Variants in NOX4 observed in about 807,000 individuals in gnomAD.
The protein encoded by NOX4 is NADPH oxidase 4, also known as kidney oxidase-1.
In NOX4, 69 loss-of-function variants were observed where a neutral mutation model predicts 87.6. The observed-to-expected ratio is 0.79, with a 90% CI of 0.65 to 0.96. The LOEUF (loss-of-function observed/expected upper bound fraction) is 0.96. Ranked by LOEUF, NOX4 falls within the 40% of genes least tolerant of loss-of-function variation. The pLI is 0.00. For missense variants in NOX4, 680 were observed against 681.5 expected (o/e 1.00, Z 0.02); for synonymous variants, 275 against 238.2 (o/e 1.15, Z -1.42).
intron 11 of NOX4, among the ~76,000 whole-genome samples, 162 bp from the exon 12 acceptor site, chr11:89,373,654 A>G (rs1939624609): frequency 6.6e-6 from 1 of 152,070 alleles, no homozygotes; most frequent in African/African-American, 2.4e-5. Flanking sequence ...AGAAAAAAAA[A>G]TCAATGTCAA....
chr11:89,561,064 T>TACAC, the NOX4 span, among the ~76,000 whole-genome samples: 76 of 110,946 alleles, frequency 6.9e-4, 5 homozygotes, highest in African/African-American at 2.6e-3. Flanking sequence ...TATATATATA[T>TACAC]ATATATATAT....
In NOX4 at chr11:89,420,948, T is replaced by G. The variant is rs1353605477; in HGVS notation, c.629+954A>C. On this transcript the variant is annotated intron_variant, in intron 8 of 17. Coordinates refer to ENST00000263317, the MANE Select transcript of NOX4 (RefSeq NM_016931.5). ...CAAGGGCATCCCTTGAGGGGACCTA[T>G]GCTGTTCCCAAGATACAGGTTCCTG... is the stretch of plus-strand genomic sequence containing the variant. 2.6e-5 allele frequency among the ~76,000 whole-genome samples: 4 copies of G among 152,284 alleles called. No homozygotes were observed. The South Asian group carries it at 6.2e-4, about 24-fold the overall frequency.
chr11:89,479,707 A>G (rs1318672159), intron 2 of NOX4, among the ~76,000 whole-genome samples: 1 of 152,138 alleles, frequency 6.6e-6, no homozygotes, highest in African/African-American at 2.4e-5. Flanking sequence ...GATGAACACA[A>G]TTTCTACTGA....
In NOX4 at chr11:89,326,799, G is replaced by A. The variant is rs749479350; in HGVS notation, c.1694C>T (p.Ser565Leu). The A allele has an allele frequency of 6.2e-7, 1 of 1,613,264 alleles. No individual in the cohort carries two copies. Among genetic ancestry groups the A allele is most frequent in the Non-Finnish European group, 8.5e-7 (1 of 1,179,412 alleles). The change falls in exon 18 of 18, where the codon TCA becomes TTA. Residue 565 changes from serine to leucine, a missense_variant. Physicochemically the swap from Ser to Leu is moderately radical, Grantham distance 145. Transcript: ENST00000263317. ...ATTGTATTCAAATCTTGTCCCATATGAGTTGTTCTGGTTACTCAGTTTATG... is the reference window on the plus strand; with the variant it reads ...ATTGTATTCAAATCTTGTCCCATATAAGTTGTTCTGGTTACTCAGTTTATG... ...TLHKLSNQNN[S>L]YGTRFEYNKE... is the part of the protein sequence containing the mutation.
At chr11:89,440,183 A>T (rs1341723243) in intron 6 of NOX4, among the ~76,000 whole-genome samples, 2 of 152,092 alleles carry the variant, frequency 1.3e-5, no homozygotes, top group Non-Finnish European at 2.9e-5. Context: ...CAATGTTTGC[A>T]TTGTCTCTGT....
At chr11:89,456,425 G>A (rs868388156) in intron 2 of NOX4, among the ~76,000 whole-genome samples, 4 of 152,164 alleles carry the variant, frequency 2.6e-5, no homozygotes, top group African/African-American at 7.2e-5. Flanking sequence ...TGGCCGACTA[G>A]ATACAGCCAG....
chr11:89,577,353 T>C, the NOX4 span: 2 of 152,178 alleles, frequency 1.3e-5, no homozygotes, highest in Non-Finnish European at 2.9e-5. Flanking sequence ...TAAAAATATC[T>C]AATGTATGAG....
chr11:89,467,154 C>A (rs1179476883), intron 2 of NOX4, among the ~76,000 whole-genome samples: 1 of 151,724 alleles, frequency 6.6e-6, no homozygotes, highest in Non-Finnish European at 1.5e-5. Context: ...CGAGACCATG[C>A]TGGCTAACAC....
intron 2 of NOX4, among the ~76,000 whole-genome samples, chr11:89,488,343 T>C (rs1442828626): frequency 6.6e-6 from 1 of 151,824 alleles, no homozygotes; most frequent in African/African-American, 2.4e-5. Context: ...CATTACCCTG[T>C]CTGTTATTCA....
At chr11:89,521,682 C>T in the NOX4 span, among the ~76,000 whole-genome samples, 1 of 151,660 alleles carries the variant, frequency 6.6e-6, no homozygotes, top group Non-Finnish European at 1.5e-5. Context: ...TTGTCCAGTG[C>T]CACCTAATTA....
At chr11:89,421,465 G>T (rs1321215124) in intron 8 of NOX4, among the ~76,000 whole-genome samples, 1 of 151,568 alleles carries the variant, frequency 6.6e-6, no homozygotes, top group African/African-American at 2.4e-5. Flanking sequence ...TAAATCTTTG[G>T]CTCTCTCTGC....
chr11:89,374,473 C>T (rs1277546790), intron 11 of NOX4, among the ~76,000 whole-genome samples: 2 of 152,152 alleles, frequency 1.3e-5, no homozygotes, highest in African/African-American at 4.8e-5. Context: ...GACTACCCAG[C>T]TTTTATCAAG....
chr11:89,358,509 TAATA>T (rs1391320106), intron 12 of NOX4, among the ~76,000 whole-genome samples: 1 of 151,402 alleles, frequency 6.6e-6, no homozygotes, highest in East Asian at 1.9e-4. Context: ...ATCATTATAT[TAATA>T]AATTCTTAAA....
chr11:89,560,581 G>A, the NOX4 span, among the ~76,000 whole-genome samples: 1 of 151,980 alleles, frequency 6.6e-6, no homozygotes, highest in African/African-American at 2.4e-5. Flanking sequence ...ATTGTGAGTT[G>A]GTTGACTGAA....
chr11:89,478,684 C>A (rs1348895310), intron 2 of NOX4, among the ~76,000 whole-genome samples: 1 of 152,076 alleles, frequency 6.6e-6, no homozygotes, highest in Non-Finnish European at 1.5e-5. Flanking sequence ...CTCATTTAAA[C>A]CCAGTACAAG....
chr11:89,562,330 C>T, the NOX4 span, among the ~76,000 whole-genome samples: 3 of 152,044 alleles, frequency 2.0e-5, no homozygotes, highest in South Asian at 2.1e-4. Context: ...GAAAAACTAT[C>T]GTCTGCCTAA....
At chr11:89,572,740 T>C in the NOX4 span, among the ~76,000 whole-genome samples, 1 of 152,268 alleles carries the variant, frequency 6.6e-6, no homozygotes. Context: ...CTTATCTTTT[T>C]TCTTTCCAAC....
the NOX4 span, among the ~76,000 whole-genome samples, chr11:89,560,988 CTCTCTCTCTATA>C: frequency 4.0e-5 from 3 of 75,598 alleles, no homozygotes; most frequent in Non-Finnish European, 7.2e-5. Context: ...CTCTCTCTCT[CTCTCTCTCTATA>C]TATATATATA....
upstream of NOX4, among the ~76,000 whole-genome samples, chr11:89,492,666 CATATTGTTTATAAATA>C (rs1188611336): frequency 2.0e-5 from 3 of 152,102 alleles, no homozygotes; most frequent in Non-Finnish European, 4.4e-5. Context: ...AGTTAGAGAG[CATATTGTTTATAAATA>C]ATACTATGTT....
Sources: gnomAD v4.1 joint callset for allele counts (sites outside exome capture counted in the v4.1 genomes callset) on GRCh38, gnomAD v4.1.1 for gene constraint, MANE v1.5 for transcripts, NCBI Gene and HGNC (gene_info 2026-07-23, HGNC 2026-07-21) for gene names.